FBXO25: variants seen among roughly 807,000 people sequenced by gnomAD.
FBXO25 encodes the protein F-box only protein 25.
In FBXO25, 45 loss-of-function variants were observed where a neutral mutation model predicts 51.9. The observed-to-expected ratio is 0.87, with a 90% confidence interval of 0.68 to 1.11. FBXO25 has a LOEUF of 1.11. Among genes scored for constraint, FBXO25 ranks in the 50% most tolerant of loss-of-function variants. The pLI is 0.00. For synonymous variants in FBXO25, 199 were observed against 151.0 expected (o/e 1.32, Z -2.33); for missense variants, 507 against 428.5 (o/e 1.18, Z -1.62).
At chr8:407,468 G>T in intron 1 of FBXO25, 2 of 981,676 alleles carry the variant, frequency 2.0e-6, no homozygotes, top group Non-Finnish European at 1.2e-6. Flanking sequence ...GGAGCTGCGG[G>T]CGAGTCGGGT....
Position 475,923 on chromosome 8 carries a change from G to A in FBXO25, c.*7119G>A, listed in dbSNP as rs1039934436. ...AACTGCTCTAAGACTCCAGTACTGTGTTAAACAGAAGTGGTGAGACAGGGT... is the reference window on the plus strand; with the variant it reads ...AACTGCTCTAAGACTCCAGTACTGTATTAAACAGAAGTGGTGAGACAGGGT... On this transcript the variant is annotated 3_prime_UTR_variant, in exon 10 of 10. Coordinates refer to ENST00000350302, the MANE Select transcript of FBXO25 (RefSeq NM_183420.2). 2 of 152,158 alleles carry A rather than the reference G, an allele frequency of 1.3e-5. No individual in the cohort carries two copies. The highest frequency in any genetic ancestry group is 4.8e-5 in the African/African-American group (2 of 41,450). 9.4% of individuals were successfully genotyped at this position (152,158 alleles called of 1,614,324 possible).
At chr8:416,525 G>T (rs1796811610) in intron 2 of FBXO25, among the ~76,000 whole-genome samples, 1 of 152,214 alleles carries the variant, frequency 6.6e-6, no homozygotes, top group African/African-American at 2.4e-5. Flanking sequence ...ACCCCCAGGG[G>T]TAGAGTCATA....
intron 2 of FBXO25, among the ~76,000 whole-genome samples, chr8:426,238 T>C (rs752309859): frequency 2.4e-4 from 37 of 152,338 alleles, no homozygotes; most frequent in East Asian, 3.9e-4. Flanking sequence ...TCCTGGTCAC[T>C]GTACTTCCTG....
At chr8:442,501 G>A (rs896206298) in intron 5 of FBXO25, among the ~76,000 whole-genome samples, 10 of 151,906 alleles carry the variant, frequency 6.6e-5, no homozygotes, top group Admixed American at 2.0e-4. Context: ...AGACAGAGTC[G>A]CTTTGTCGCC....
chr8:425,256 G>T (rs1797402659), intron 2 of FBXO25, among the ~76,000 whole-genome samples: 1 of 151,848 alleles, frequency 6.6e-6, no homozygotes, highest in South Asian at 2.1e-4. Flanking sequence ...TATATTCCTA[G>T]ACACTATAGT....
At chr8:466,038 T>C (rs1403415730) in intron 9 of FBXO25, among the ~76,000 whole-genome samples, 1 of 152,220 alleles carries the variant, frequency 6.6e-6, no homozygotes, top group Non-Finnish European at 1.5e-5. Context: ...CCTTGGAGGC[T>C]GTGATGTCCA....
In FBXO25 at chr8:473,803, C is replaced by T. The variant is rs562218153; in HGVS notation, c.*4999C>T. The stretch of plus-strand genomic sequence containing the variant: ...GTGTCAAATAGAAGAGACACCTCAA[C>T]TGTCTCGTTTTTGCATGGAAATTTC... On this transcript the variant is annotated 3_prime_UTR_variant, in exon 10 of 10. Coordinates refer to ENST00000350302, the MANE Select transcript of FBXO25 (RefSeq NM_183420.2). 1 of 152,280 alleles carries T rather than the reference C, an allele frequency of 6.6e-6. No homozygotes were observed. Among genetic ancestry groups the T allele is most frequent in the Non-Finnish European group, 1.5e-5 (1 of 68,022 alleles). 9.4% of individuals were successfully genotyped at this position (152,280 alleles called of 1,614,324 possible).
chr8:425,892 CT>C (rs202143545), intron 2 of FBXO25, among the ~76,000 whole-genome samples: 23,065 of 139,360 alleles, frequency 0.17, 2,227 homozygotes, highest in African/African-American at 0.29. Context: ...TTTCTTCCTC[CT>C]TTTTTTTTTT....
chr8:407,775 G>C (rs1310492293), intron 1 of FBXO25, among the ~76,000 whole-genome samples: 2 of 152,064 alleles, frequency 1.3e-5, no homozygotes, highest in African/African-American at 2.4e-5. Context: ...CTCTGGCTCT[G>C]TCTCTGTCTC....
At chr8:428,640 T>C (rs1797637705) in intron 2 of FBXO25, among the ~76,000 whole-genome samples, 1 of 152,208 alleles carries the variant, frequency 6.6e-6, no homozygotes, top group Non-Finnish European at 1.5e-5. Flanking sequence ...ACCATCCATC[T>C]CTAGAACTTT....
At position 476,649 on chromosome 8, in the gene FBXO25, CAT is replaced by C. The variant is rs1339820473; in HGVS notation, c.*7847_*7848del. ...TCCAATTCTTTGATATGTAATTGCT[CAT>C]AGTACTCTTAATCCTTTTTATTTCT... On this transcript the variant is annotated 3_prime_UTR_variant, in exon 10 of 10. Transcript: ENST00000350302. The C allele has an allele frequency of 6.6e-6, 1 of 152,116 alleles. No homozygotes were observed. Among genetic ancestry groups the C allele is most frequent in the African/African-American group, 2.4e-5 (1 of 41,438 alleles). 9.4% of individuals were successfully genotyped at this position (152,116 alleles called of 1,614,324 possible).
chr8:419,393 A>C (rs1320305913), intron 2 of FBXO25, among the ~76,000 whole-genome samples: 2 of 152,156 alleles, frequency 1.3e-5, no homozygotes, highest in Admixed American at 6.5e-5. Flanking sequence ...AACAAGGTTT[A>C]CTATAAAATG....
At chr8:434,767 T>A (rs1798004231) in intron 4 of FBXO25, among the ~76,000 whole-genome samples, 1 of 152,202 alleles carries the variant, frequency 6.6e-6, no homozygotes, top group Non-Finnish European at 1.5e-5. Context: ...TAAAATGACT[T>A]CTGAAACCTA....
At chr8:459,070 G>C (rs1417268233) in intron 8 of FBXO25, among the ~76,000 whole-genome samples, 2 of 152,182 alleles carry the variant, frequency 1.3e-5, no homozygotes, top group Non-Finnish European at 2.9e-5. Context: ...GGCCTTTGCA[G>C]GGTGGTCTGC....
At chr8:422,354 C>T (rs140048143) in intron 2 of FBXO25, among the ~76,000 whole-genome samples, 225 of 152,288 alleles carry the variant, frequency 1.5e-3, no homozygotes, top group African/African-American at 3.7e-3. Flanking sequence ...CCTAATTTGA[C>T]GGACATTCTA....
chr8:433,062 C>G, intron 4 of FBXO25, 127 bp downstream of exon 4: 10 of 1,202,582 alleles, frequency 8.3e-6, no homozygotes, highest in Non-Finnish European at 1.1e-5. Context: ...ATCTATGGTT[C>G]ACATTCTGAC....
intron 9 of FBXO25, among the ~76,000 whole-genome samples, chr8:466,948 G>A (rs1308867659): frequency 2.0e-5 from 3 of 152,184 alleles, no homozygotes; most frequent in African/African-American, 7.2e-5. Flanking sequence ...GGGAAGCCAT[G>A]ATGAGCATTT....
chr8:423,105 G>T (rs1292499740), intron 2 of FBXO25, among the ~76,000 whole-genome samples: 3 of 143,416 alleles, frequency 2.1e-5, no homozygotes, highest in Non-Finnish European at 4.7e-5. Flanking sequence ...GCTGTGTTGA[G>T]ATACCTCTTT....
intron 8 of FBXO25, among the ~76,000 whole-genome samples, chr8:459,851 C>A (rs937387863): frequency 1.3e-5 from 2 of 152,178 alleles, no homozygotes; most frequent in African/African-American, 4.8e-5. Context: ...GCTGGACTCT[C>A]AAGGCCATGG....
Sources: gnomAD v4.1 joint callset for allele counts (sites outside exome capture counted in the v4.1 genomes callset) on GRCh38, gnomAD v4.1.1 for gene constraint, MANE v1.5 for transcripts, NCBI Gene and HGNC (gene_info 2026-07-23, HGNC 2026-07-21) for gene names.